Variants in GRIN2A observed in about 807,000 individuals in gnomAD.
GRIN2A encodes glutamate receptor ionotropic, NMDA 2A.
In GRIN2A, 22 loss-of-function variants were observed where a neutral mutation model predicts 113.4. That is an observed-to-expected ratio of 0.19 (90% CI 0.14 to 0.28). The LOEUF (loss-of-function observed/expected upper bound fraction) is 0.28, where lower values mean the gene tolerates loss of function less well. GRIN2A is among the 10% of genes least tolerant of loss of function. GRIN2A has a pLI of 1.00. For synonymous variants in GRIN2A, 827 were observed against 738.4 expected, an observed-to-expected ratio of 1.12 and a Z score of -1.94; for missense variants, 1,502 against 1,887.0, an observed-to-expected ratio of 0.80 and a Z score of 3.78.
In GRIN2A at chr16:9,951,345, G is replaced by A. The variant is rs77411156; in HGVS notation, c.415-12794C>T. On this transcript the variant is annotated intron_variant, in intron 2 of 12. Transcript: ENST00000330684. ...GTAAATAAGCATCTTATGGGCATCC[G>A]ATTTATTCACCTCTCATTGCTTTGG... is the stretch of plus-strand genomic sequence containing the variant. Among the ~76,000 whole-genome samples the A allele has an allele frequency of 3.7e-3, 566 of 152,276 alleles. 2 individuals carry two copies. The highest frequency in any genetic ancestry group is 0.013 in the African/African-American group (525 of 41,540).
chr16:9,996,045 AAAAAAAAG>A (rs1268522944), intron 2 of GRIN2A, among the ~76,000 whole-genome samples: 1 of 150,078 alleles, frequency 6.7e-6, no homozygotes, highest in African/African-American at 2.4e-5. Flanking sequence ...AAAAAAAAAA[AAAAAAAAG>A]AAAGAAAGAA....
intron 2 of GRIN2A, among the ~76,000 whole-genome samples, chr16:10,154,085 T>C (rs530124195): frequency 1.3e-4 from 20 of 152,158 alleles, no homozygotes; most frequent in Non-Finnish European, 2.9e-4. Flanking sequence ...GGAGAGCCCT[T>C]TCCTGGCCCC....
chr16:9,968,281 T>C (rs1670131961), intron 2 of GRIN2A, among the ~76,000 whole-genome samples: 1 of 72,736 alleles, frequency 1.4e-5, no homozygotes, highest in Non-Finnish European at 3.3e-5. Flanking sequence ...TGTATGTATG[T>C]ATGTATGTAT....
At chr16:9,882,231 C>A (rs1413007210) in intron 4 of GRIN2A, among the ~76,000 whole-genome samples, 1 of 152,118 alleles carries the variant, frequency 6.6e-6, no homozygotes, top group Non-Finnish European at 1.5e-5. Context: ...GGAGCTATAG[C>A]ATTCTATAAT....
intron 11 of GRIN2A, among the ~76,000 whole-genome samples, chr16:9,795,436 A>C (rs1353303297): frequency 6.6e-6 from 1 of 152,164 alleles, no homozygotes; most frequent in Non-Finnish European, 1.5e-5. Flanking sequence ...ATCATCAAGA[A>C]ATAACCCAGC....
At chr16:9,986,721 C>T (rs371077353) in intron 2 of GRIN2A, among the ~76,000 whole-genome samples, 8 of 145,548 alleles carry the variant, frequency 5.5e-5, no homozygotes, top group East Asian at 4.0e-4. Context: ...GCTGAGATCA[C>T]GCCATTGCAC....
chr16:9,980,926 C>T (rs990006011), intron 2 of GRIN2A, among the ~76,000 whole-genome samples: 1 of 151,444 alleles, frequency 6.6e-6, no homozygotes, highest in Non-Finnish European at 1.5e-5. Context: ...CAACATGGCA[C>T]ATGTACACAT....
rs1900286396 is a variant in GRIN2A at position 9,754,658 on chromosome 16, G to T, written c.*8491C>A. ...TAAAGATTTAAAAAAATTTAAAAAA[G>T]ATTTTAAAAGTCAATACTGTTCATT... is the stretch of plus-strand genomic sequence containing the variant. On this transcript the variant is annotated 3_prime_UTR_variant, in exon 13 of 13. Transcript: ENST00000330684. 1.8e-5 allele frequency: 4 copies of T among 216,278 alleles called. No individual in the cohort carries two copies. In the Admixed American group the frequency reaches 2.3e-4, roughly 13 times the overall value. The allele number at this position is 216,278 out of a possible 1,614,324, so 13.4% of individuals were successfully genotyped here. A position where few individuals can be genotyped will look rare whatever the true frequency, so the allele number is the denominator to read the frequency against.
At chr16:10,049,578 C>A (rs2141981022) in intron 2 of GRIN2A, among the ~76,000 whole-genome samples, 1 of 152,198 alleles carries the variant, frequency 6.6e-6, no homozygotes, top group Non-Finnish European at 1.5e-5. Context: ...AGGGTTTCAC[C>A]ATGTTGCCCA....
intron 2 of GRIN2A, among the ~76,000 whole-genome samples, chr16:10,161,900 C>T (rs554442332): frequency 6.6e-6 from 1 of 152,308 alleles, no homozygotes; most frequent in Admixed American, 6.5e-5. Flanking sequence ...ACCTCCCTGC[C>T]TCCCTTTCAT....
At chr16:9,783,390 T>G (rs1259637302) in intron 11 of GRIN2A, among the ~76,000 whole-genome samples, 1 of 152,252 alleles carries the variant, frequency 6.6e-6, no homozygotes, top group African/African-American at 2.4e-5. Flanking sequence ...TTTTGCCTGC[T>G]TTATTTTTAA....
chr16:10,153,849 G>T (rs1596558826), intron 2 of GRIN2A, among the ~76,000 whole-genome samples: 1 of 152,144 alleles, frequency 6.6e-6, no homozygotes, highest in Admixed American at 6.5e-5. Flanking sequence ...AACAAACACT[G>T]CCTGGTCACC....
chr16:10,164,475 A>T (rs749348274), intron 2 of GRIN2A, among the ~76,000 whole-genome samples: 1 of 152,238 alleles, frequency 6.6e-6, no homozygotes, highest in Non-Finnish European at 1.5e-5. Flanking sequence ...GGACACGAAC[A>T]TGACTCCAGC....
chr16:9,949,699 G>T (rs2045127798), intron 2 of GRIN2A, among the ~76,000 whole-genome samples: 2 of 151,920 alleles, frequency 1.3e-5, no homozygotes, highest in South Asian at 4.2e-4. Context: ...ATAAATGGAT[G>T]GGTGGTTGGA....
At chr16:9,999,775 C>T (rs1430114518) in intron 2 of GRIN2A, among the ~76,000 whole-genome samples, 1 of 152,092 alleles carries the variant, frequency 6.6e-6, no homozygotes, top group Non-Finnish European at 1.5e-5. Flanking sequence ...GATACGGAGG[C>T]TAATCACTGA....
At chr16:9,803,902 G>A (rs1201027704) in intron 10 of GRIN2A, among the ~76,000 whole-genome samples, 1 of 152,192 alleles carries the variant, frequency 6.6e-6, no homozygotes, top group Non-Finnish European at 1.5e-5. Context: ...TCAGATGGGG[G>A]GTTTTAGCTA....
chr16:10,076,659 C>A (rs1414919801), intron 2 of GRIN2A, among the ~76,000 whole-genome samples: 4 of 152,178 alleles, frequency 2.6e-5, no homozygotes, highest in African/African-American at 9.6e-5. Flanking sequence ...CAAGTTCTAC[C>A]TCAAGCAGCT....
At position 9,841,797 on chromosome 16, in the gene GRIN2A, G is replaced by A. The variant is rs1398399029; in HGVS notation, c.1329-693C>T. Among the ~76,000 whole-genome samples the A allele has an allele frequency of 2.0e-5, 3 of 152,194 alleles. No homozygotes were observed. In the East Asian group the frequency reaches 5.8e-4, roughly 29 times the overall value. ...AAAAGGAGACACTTCTAAAAGCAAG[G>A]TCCTTGATCAGGTAAAGACCCCATT... On this transcript the variant is annotated intron_variant, in intron 5 of 12. Transcript: ENST00000330684.
intron 2 of GRIN2A, among the ~76,000 whole-genome samples, chr16:10,070,289 C>A (rs1161854900): frequency 2.6e-5 from 4 of 152,184 alleles, no homozygotes; most frequent in African/African-American, 9.6e-5. Context: ...CGCCTCTAGC[C>A]TCGCTACTCA....
Sources: gnomAD v4.1 joint callset for allele counts (sites outside exome capture counted in the v4.1 genomes callset) on GRCh38, gnomAD v4.1.1 for gene constraint, MANE v1.5 for transcripts, NCBI Gene and HGNC (gene_info 2026-07-23, HGNC 2026-07-21) for gene names.